ANKFY1: variants seen among roughly 807,000 people sequenced by gnomAD.
The protein encoded by ANKFY1 is ankyrin repeat and FYVE domain-containing protein 1.
ANKFY1 carries 47 observed loss-of-function variants against 128.3 expected under a neutral mutation model. The observed-to-expected ratio is 0.37, with a 90% CI of 0.29 to 0.47. The LOEUF is 0.47. ANKFY1 is among the 20% of genes least tolerant of loss of function. The probability of loss-of-function intolerance (pLI) is 1.00; values close to 1 mark genes in which losing one functional copy is unlikely to be tolerated. For synonymous variants in ANKFY1, 553 were observed against 601.6 expected, an observed-to-expected ratio of 0.92 and a Z score of 1.18; for missense variants, 1,222 against 1,510.6, an observed-to-expected ratio of 0.81 and a Z score of 3.17.
chr17:4,221,770 A>T (rs1057396125), intron 3 of ANKFY1, among the ~76,000 whole-genome samples: 13 of 151,968 alleles, frequency 8.6e-5, no homozygotes, highest in Middle Eastern at 3.2e-3. Flanking sequence ...GGAGTGCGTC[A>T]TCACACCCAG....
chr17:4,176,383 C>A (rs1277683594), intron 19 of ANKFY1, among the ~76,000 whole-genome samples: 1 of 152,180 alleles, frequency 6.6e-6, no homozygotes, highest in African/African-American at 2.4e-5. Flanking sequence ...GGAGCAGAGA[C>A]CAGACGATGA....
At chr17:4,179,176 T>G (rs2059463680) in intron 17 of ANKFY1, 119 bp from the exon 18 acceptor site, 1 of 1,089,542 alleles carries the variant, frequency 9.2e-7, no homozygotes, top group Admixed American at 2.1e-5. Flanking sequence ...ACTACCACCC[T>G]GTGTTTGACT....
chr17:4,241,553 C>T (rs1967225921), intron 2 of ANKFY1, among the ~76,000 whole-genome samples: 1 of 151,674 alleles, frequency 6.6e-6, no homozygotes, highest in African/African-American at 2.4e-5. Flanking sequence ...GGATTATAGG[C>T]ATGAGCCACC....
intron 2 of ANKFY1, among the ~76,000 whole-genome samples, chr17:4,237,083 C>T (rs1247166477): frequency 6.6e-6 from 1 of 151,988 alleles, no homozygotes; most frequent in Non-Finnish European, 1.5e-5. Flanking sequence ...TTGCAGTGAG[C>T]CGAGATCGCG....
chr17:4,169,510 G>A lies in ANKFY1; in HGVS notation c.3287-222C>T, dbSNP rs939892657. Among the ~76,000 whole-genome samples, 1 of 152,216 alleles carries A rather than the reference G, an allele frequency of 6.6e-6. No individual in the cohort carries two copies. The highest frequency in any genetic ancestry group is 1.9e-4 in the East Asian group (1 of 5,192). ...GAGACTTGGGGAGAAGGAAACGGTG[G>A]TCAACGAGGTGAACCAGTGTGATGT... On this transcript the variant is annotated intron_variant, in intron 23 of 24. Transcript: ENST00000341657. This position sits in a 1 kb window ranked among gnomAD's most constrained non-coding sequence, Gnocchi z 5.0.
Position 4,173,195 on chromosome 17 carries a change from C to T in ANKFY1, c.3014+159G>A, listed in dbSNP as rs188736695. ...GCATTTTTTATTAAAACAAAAATAC[C>T]GGTACCAAAAGTACCAAAATAAAGT... On this transcript the variant is annotated intron_variant, in intron 21 of 24. Transcript: ENST00000341657. Among the ~76,000 whole-genome samples the T allele has an allele frequency of 9.1e-4, 138 of 152,340 alleles. 1 individual carries two copies. In the East Asian group the frequency reaches 0.017, roughly 18 times the overall value.
chr17:4,216,889 A>T, intron 4 of ANKFY1, 94 bp downstream of exon 4: 3 of 1,547,716 alleles, frequency 1.9e-6, no homozygotes, highest in Non-Finnish European at 2.6e-6. Context: ...CAAGTTATTT[A>T]CATTAGCAGA....
chr17:4,192,264 G>C (rs1459299655), intron 10 of ANKFY1, among the ~76,000 whole-genome samples: 2 of 147,078 alleles, frequency 1.4e-5, no homozygotes, highest in Non-Finnish European at 3.0e-5. Flanking sequence ...GAGACTCCTA[G>C]TTGATGGTTA....
chr17:4,198,421 G>C (rs1002250267), intron 7 of ANKFY1, among the ~76,000 whole-genome samples: 1 of 151,244 alleles, frequency 6.6e-6, no homozygotes, highest in African/African-American at 2.4e-5. Flanking sequence ...ACCCAGGCTG[G>C]AGTGCCGTGG....
At chr17:4,251,401 T>G (rs556950421) in intron 1 of ANKFY1, among the ~76,000 whole-genome samples, 1 of 152,010 alleles carries the variant, frequency 6.6e-6, no homozygotes, top group African/African-American at 2.4e-5. Context: ...ATCACATCTG[T>G]GAATAGCCAC....
In ANKFY1 at chr17:4,167,588, C is replaced by G; in HGVS notation, c.*191G>C. 2 of 530,756 alleles carry G rather than the reference C, an allele frequency of 3.8e-6. No individual in the cohort carries two copies. Among genetic ancestry groups the G allele is most frequent in the South Asian group, 9.1e-5 (2 of 21,914 alleles). The allele number at this position is 530,756 out of a possible 1,614,324, so 32.9% of individuals were successfully genotyped here. A position where few individuals can be genotyped will look rare whatever the true frequency, so the allele number is the denominator to read the frequency against. On this transcript the variant is annotated 3_prime_UTR_variant, in exon 25 of 25. Transcript: ENST00000341657. This position sits in a 1 kb window ranked among gnomAD's most constrained non-coding sequence, Gnocchi z 4.1. ...GACATCTAGTGAAATCGATCACAGT[C>G]TGACACACACACTGACAATCATATG... is the stretch of plus-strand genomic sequence containing the variant.
At chr17:4,183,714 C>A (rs1225258663) in intron 13 of ANKFY1, 98 bp downstream of exon 13, 3 of 1,423,878 alleles carry the variant, frequency 2.1e-6, no homozygotes, top group Non-Finnish European at 2.9e-6. Flanking sequence ...AAATGATTAG[C>A]CCAGTCTCCT....
chr17:4,195,267 T>C (rs551718663), intron 9 of ANKFY1, 90 bp from the exon 10 acceptor site: 2 of 1,407,008 alleles, frequency 1.4e-6, no homozygotes, highest in African/African-American at 1.6e-5. Context: ...TTTACCCTTT[T>C]TCAATGACAC....
chr17:4,247,129 G>GAAAA (rs748504536), intron 1 of ANKFY1, among the ~76,000 whole-genome samples: 167 of 150,662 alleles, frequency 1.1e-3, no homozygotes, highest in Non-Finnish European at 1.8e-3. Context: ...AAAAAAAAGA[G>GAAAA]AGAAAAAGAA....
chr17:4,231,981 C>T (rs1173879165), intron 3 of ANKFY1, among the ~76,000 whole-genome samples: 1 of 148,732 alleles, frequency 6.7e-6, no homozygotes, highest in African/African-American at 2.5e-5. Flanking sequence ...TAGACAAGAA[C>T]ATCAAAAAGA....
chr17:4,219,016 CTG>C (rs1273944338), intron 3 of ANKFY1, among the ~76,000 whole-genome samples: 1 of 152,184 alleles, frequency 6.6e-6, no homozygotes, highest in African/African-American at 2.4e-5. Flanking sequence ...TTTTCTGTGT[CTG>C]TCTCTCAAGA....
chr17:4,231,028 A>T (rs1363320045), intron 3 of ANKFY1, among the ~76,000 whole-genome samples: 1 of 152,230 alleles, frequency 6.6e-6, no homozygotes, highest in Non-Finnish European at 1.5e-5. Flanking sequence ...TGAGGATTCT[A>T]CACTGCATTC....
intron 11 of ANKFY1, among the ~76,000 whole-genome samples, 184 bp downstream of exon 11, chr17:4,189,194 GAATC>G (rs2059666543): frequency 6.6e-6 from 1 of 152,204 alleles, no homozygotes; most frequent in Non-Finnish European, 1.5e-5. Flanking sequence ...GCTGCTGAAT[GAATC>G]AATCAACCAA....
At chr17:4,256,895 G>A (rs1205577210) in intron 1 of ANKFY1, among the ~76,000 whole-genome samples, 3 of 152,138 alleles carry the variant, frequency 2.0e-5, no homozygotes, top group African/African-American at 2.4e-5. Flanking sequence ...AAAGCTCACC[G>A]TGTATAGCAG....
Sources: allele counts gnomAD v4.1 joint callset (sites outside exome capture counted in the v4.1 genomes callset), GRCh38; gene constraint gnomAD v4.1.1; non-coding constraint Gnocchi (gnomAD v3.1); transcripts MANE v1.5; gene names NCBI Gene and HGNC (gene_info 2026-07-23, HGNC 2026-07-21).